Variants in DLG5 observed in about 807,000 individuals in gnomAD.
DLG5 encodes the protein discs large MAGUK scaffold protein 5.
A neutral mutation model predicts 189.8 loss-of-function variants in DLG5; 48 were observed. The ratio of observed to expected loss-of-function variants is 0.25; its 90% CI spans 0.20 to 0.32. The LOEUF (loss-of-function observed/expected upper bound fraction) is 0.32, where lower values mean the gene tolerates loss of function less well. Among genes scored for constraint, DLG5 ranks in the 10% least tolerant of loss-of-function variants. The pLI is 1.00. For synonymous variants in DLG5, 1,016 were observed against 1,054.1 expected (o/e 0.96, Z 0.70); for missense variants, 2,160 against 2,544.7 (o/e 0.85, Z 3.25).
At chr10:77,836,026 G>C in intron 7 of DLG5, 104 bp from the exon 8 acceptor site, 1 of 1,251,932 alleles carries the variant, frequency 8.0e-7, no homozygotes, top group African/African-American at 1.5e-5. Context: ...TAGGGAGCTG[G>C]ATGGAGGGAA....
intron 20 of DLG5, 98 bp from the exon 21 acceptor site, chr10:77,812,475 A>C: frequency 1.4e-6 from 2 of 1,398,628 alleles, no homozygotes; most frequent in Non-Finnish European, 1.9e-6. Flanking sequence ...ACAGTGCAGA[A>C]AGGGCCCCGA....
rs1362926699 is a variant in DLG5 at position 77,917,140 on chromosome 10, G to A, written c.304+9077C>T. 2.6e-5 allele frequency among the ~76,000 whole-genome samples: 4 copies of A among 151,766 alleles called. No individual in the cohort carries two copies. In the East Asian group the frequency reaches 7.7e-4, roughly 29 times the overall value. ...GCTTGAATCCAGGAGTTCAAGACCA[G>A]CCTGGGCAACATGGCAAAGCCCCGT... On this transcript the variant is annotated intron_variant, in intron 1 of 31. Transcript: ENST00000372391.
chr10:77,798,927 T>C lies in DLG5; in HGVS notation c.5165-2333A>G, dbSNP rs542954661. 6.6e-5 allele frequency among the ~76,000 whole-genome samples: 10 copies of C among 152,334 alleles called. No homozygotes were observed. The South Asian group carries it at 2.1e-3, about 32-fold the overall frequency. On this transcript the variant is annotated intron_variant, in intron 27 of 31. Coordinates refer to ENST00000372391, the MANE Select transcript of DLG5 (RefSeq NM_004747.4). ...AAATACCTGGATGAAAACAGTGTAATGCAGTGTAATCCCAGCTTTGTTGTA... is the reference window on the plus strand; with the variant it reads ...AAATACCTGGATGAAAACAGTGTAACGCAGTGTAATCCCAGCTTTGTTGTA...
At position 77,840,562 on chromosome 10, in the gene DLG5, A is replaced by C. The variant is rs187000912; in HGVS notation, c.1437+1319T>G. 2.2e-3 allele frequency among the ~76,000 whole-genome samples: 330 copies of C among 152,230 alleles called. 1 individual carries two copies. Among genetic ancestry groups the C allele is most frequent in the Non-Finnish European group, 3.2e-3 (219 of 67,994 alleles). On this transcript the variant is annotated intron_variant, in intron 7 of 31. Transcript: ENST00000372391. ...GCAAAGCCACGTCTCTAGTAAAAAT[A>C]CAAAAAATTAGCCGGGCGTGGTGGC...
At chr10:77,905,407 T>C (rs564578474) in intron 1 of DLG5, among the ~76,000 whole-genome samples, 1 of 152,316 alleles carries the variant, frequency 6.6e-6, no homozygotes, top group Non-Finnish European at 1.5e-5. Context: ...GATGAGAATA[T>C]GGGTTTTTAC....
intron 1 of DLG5, among the ~76,000 whole-genome samples, chr10:77,913,213 G>T (rs189010335): frequency 6.6e-6 from 1 of 152,302 alleles, no homozygotes; most frequent in African/African-American, 2.4e-5. Context: ...TCGCCACCTA[G>T]AACAGTCCAC....
chr10:77,902,636 G>A (rs1199002123), intron 1 of DLG5, among the ~76,000 whole-genome samples: 4 of 151,946 alleles, frequency 2.6e-5, no homozygotes, highest in Non-Finnish European at 4.4e-5. Context: ...CGAGGTGGGC[G>A]GATCATGAGG....
intron 1 of DLG5, among the ~76,000 whole-genome samples, chr10:77,918,555 G>C (rs1054557018): frequency 6.6e-6 from 1 of 152,196 alleles, no homozygotes; most frequent in African/African-American, 2.4e-5. Context: ...CAAGGGTTTA[G>C]AGGGATAGAC....
chr10:77,823,213 C>G (rs1260612437), intron 14 of DLG5, among the ~76,000 whole-genome samples: 3 of 152,100 alleles, frequency 2.0e-5, no homozygotes, highest in Non-Finnish European at 2.9e-5. Flanking sequence ...TCTGTATCAG[C>G]CCAACTTTTC....
In DLG5 at chr10:77,918,218, C is replaced by CT. The variant is rs1196535940; in HGVS notation, c.304+7998dup. On this transcript the variant is annotated intron_variant, in intron 1 of 31. Coordinates refer to ENST00000372391, the MANE Select transcript of DLG5 (RefSeq NM_004747.4). ...TTGAGGTCAGGAGTTCAAGACCAGC[C>CT]TGGCCAACATGGGGAAACCTTGTCT... Among the ~76,000 whole-genome samples the CT allele has an allele frequency of 5.3e-5, 8 of 152,176 alleles. No individual in the cohort carries two copies. The East Asian group carries it at 1.5e-3, about 29-fold the overall frequency.
At chr10:77,917,275 G>A (rs1301883728) in intron 1 of DLG5, among the ~76,000 whole-genome samples, 1 of 152,030 alleles carries the variant, frequency 6.6e-6, no homozygotes, top group Non-Finnish European at 1.5e-5. Flanking sequence ...CCGGGAGGCA[G>A]AGCTTGCAGT....
intron 7 of DLG5, among the ~76,000 whole-genome samples, chr10:77,841,326 T>C (rs561697529): frequency 3.0e-4 from 46 of 152,278 alleles, no homozygotes; most frequent in African/African-American, 1.1e-3. Context: ...CCCCCAACCC[T>C]GGAGGTGTGG....
rs1843439425 is a variant in DLG5, at chr10:77,841,989, G to A, written c.1329C>T (p.Ile443=). 1 of 1,614,218 alleles carries A rather than the reference G, an allele frequency of 6.2e-7. No individual in the cohort carries two copies. Among genetic ancestry groups the A allele is most frequent in the East Asian group, 2.2e-5 (1 of 44,882 alleles). ...CGGTCTGCAGCTTGTCCAGCTCAGA[G>A]ATGACCTGGTCACGCTCACTCATGA... ...KLIMSERDQV[I]SELDKLQTEV... The change falls in exon 7 of 32, where the codon ATC becomes ATT. Residue 443 remains isoleucine (I), a synonymous_variant. Transcript: ENST00000372391.
Position 77,856,848 on chromosome 10 carries a change from G to A in DLG5, c.418C>T (p.Gln140Ter), listed in dbSNP as rs756266215. 20 of 1,612,384 alleles carry A rather than the reference G, an allele frequency of 1.2e-5. No individual in the cohort carries two copies. Among genetic ancestry groups the A allele is most frequent in the South Asian group, 2.2e-5 (2 of 90,890 alleles). The stretch of plus-strand genomic sequence containing the variant: ...TTCTCCACCTTCTCATTCACTTGCT[G>A]GTCAGTGAGGAGGGGTGGTGGGGAC... ...APSPPPLLTDQQVNEKVENLS... is the reference protein window; with the variant it reads ...APSPPPLLTD Residue 140 changes from glutamine to a stop codon, truncating the protein, a stop_gained, in exon 3 of 32, where the codon CAG becomes TAG. Transcript: ENST00000372391. LOFTEE classifies it high-confidence loss of function.
intron 20 of DLG5, among the ~76,000 whole-genome samples, chr10:77,813,975 T>C: frequency 6.6e-6 from 1 of 152,132 alleles, no homozygotes; most frequent in East Asian, 1.9e-4. Flanking sequence ...GAGCTAATCT[T>C]TTTTTTCTTT....
chr10:77,805,761 G>C lies in DLG5; in HGVS notation c.5068C>G (p.Arg1690Gly). Residue 1690 changes from arginine (R) to glycine (G), a missense_variant, in exon 27 of 32, where the codon CGG (arginine) becomes GGG (glycine). By Grantham distance (125) the Arg-to-Gly change is moderately radical. Coordinates refer to ENST00000372391, the MANE Select transcript of DLG5 (RefSeq NM_004747.4). Reference protein sequence around the residue: ...LSAAARRSFFRRKHKHKRSGS... With the variant: ...LSAAARRSFFGRKHKHKRSGS... The stretch of plus-strand genomic sequence containing the variant: ...CTGCGTTTGTGCTTGTGTTTCCTCC[G>C]AAAAAAGGACCGGCGTGCAGCCGCT... 1 of 1,614,076 alleles carries C rather than the reference G, an allele frequency of 6.2e-7. No homozygotes were observed. Among genetic ancestry groups the C allele is most frequent in the Non-Finnish European group, 8.5e-7 (1 of 1,180,022 alleles).
chr10:77,813,922 C>T (rs2154575364), intron 20 of DLG5, among the ~76,000 whole-genome samples: 1 of 152,202 alleles, frequency 6.6e-6, no homozygotes, highest in East Asian at 1.9e-4. Flanking sequence ...TTATGTAGGA[C>T]ATTACCAAGT....
At chr10:77,836,122 C>G (rs1407886373) in intron 7 of DLG5, among the ~76,000 whole-genome samples, 200 bp from the exon 8 acceptor site, 1 of 152,096 alleles carries the variant, frequency 6.6e-6, no homozygotes, top group African/African-American at 2.4e-5. Flanking sequence ...CCCTAGCCCC[C>G]GCCATGTCTG....
rs72821620 is a variant in DLG5, at chr10:77,870,396, C to T, written c.305-1199G>A. Among the ~76,000 whole-genome samples the T allele has an allele frequency of 3.0e-4, 46 of 152,280 alleles. No homozygotes were observed. The East Asian group carries it at 8.7e-3, about 29-fold the overall frequency. ...AATGTGGAGGACCACATTTAAGGAG[C>T]TCCCAGCAGGGCACGGTGGCTCACA... On this transcript the variant is annotated intron_variant, in intron 1 of 31. Transcript: ENST00000372391.
Sources: gnomAD v4.1 joint callset for allele counts (sites outside exome capture counted in the v4.1 genomes callset) on GRCh38, gnomAD v4.1.1 for gene constraint, MANE v1.5 for transcripts, NCBI Gene and HGNC (gene_info 2026-07-23, HGNC 2026-07-21) for gene names.